The following FRY variants were observed in gnomAD, a reference collection of about 807,000 sequenced individuals.
FRY encodes the protein FRY microtubule binding protein, also known as protein furry homolog.
A neutral mutation model predicts 348.4 loss-of-function variants in FRY; 128 were observed. The observed-to-expected ratio is 0.37, with a 90% CI of 0.32 to 0.43. The LOEUF (loss-of-function observed/expected upper bound fraction) is 0.43. Ranked by LOEUF, FRY falls within the 20% of genes least tolerant of loss-of-function variation. The pLI, the probability that FRY is intolerant of heterozygous loss-of-function variation, is 1.00. For synonymous variants in FRY, 1,370 were observed against 1,374.7 expected (o/e 1.00, Z 0.08); for missense variants, 2,736 against 3,695.2 (o/e 0.74, Z 6.73).
chr13:32,095,579 G>A (rs1293204282), intron 2 of FRY, among the ~76,000 whole-genome samples: 3 of 152,060 alleles, frequency 2.0e-5, no homozygotes, highest in South Asian at 2.1e-4. Flanking sequence ...TCCTGACCTC[G>A]TGATCCACCC....
rs150406070 is a variant in FRY, at chr13:32,197,002, G to T, written c.3746+2705G>T. ...AAGGTTATAAATCAAGGTAAATTGT[G>T]TATTAAGAATATAGGCCATTTCCAA... On this transcript the variant is annotated intron_variant, in intron 29 of 60. Transcript: ENST00000542859. Among the ~76,000 whole-genome samples the T allele has an allele frequency of 2.0e-3, 297 of 152,270 alleles. No homozygotes were observed. The Middle Eastern group carries it at 0.024, about 12-fold the overall frequency.
chr13:32,263,979 C>A (rs902054946), intron 53 of FRY, among the ~76,000 whole-genome samples: 1 of 152,116 alleles, frequency 6.6e-6, no homozygotes, highest in African/African-American at 2.4e-5. Context: ...TGCACTCCAG[C>A]CTGGGCGACA....
intron 1 of FRY, among the ~76,000 whole-genome samples, chr13:32,044,945 G>C (rs1287202448): frequency 2.0e-5 from 3 of 152,110 alleles, no homozygotes; most frequent in Non-Finnish European, 2.9e-5. Flanking sequence ...ATCAATAATT[G>C]CAGTAAAATA....
chr13:32,295,652 G>A lies in FRY; in HGVS notation c.*192G>A. ...ATACTATAAGAACCAAGGTAGCTTA[G>A]AACGTCCTGGACAGACTCCACTCAT... On this transcript the variant is annotated 3_prime_UTR_variant, in exon 61 of 61. Transcript: ENST00000542859. The A allele has an allele frequency of 1.6e-6, 1 of 619,946 alleles. No individual in the cohort carries two copies. 38.4% of individuals were successfully genotyped at this position (619,946 alleles called of 1,614,324 possible).
intron 13 of FRY, among the ~76,000 whole-genome samples, chr13:32,149,235 C>T (rs1880649754): frequency 2.0e-5 from 3 of 148,300 alleles, no homozygotes; most frequent in South Asian, 4.3e-4. Flanking sequence ...ATATATACAC[C>T]CCTGATATAT....
intron 46 of FRY, among the ~76,000 whole-genome samples, chr13:32,240,379 G>A (rs781042033): frequency 1.3e-5 from 2 of 152,186 alleles, no homozygotes; most frequent in East Asian, 3.8e-4. Flanking sequence ...ATTACGCTGG[G>A]TGTTCAAATC....
chr13:32,070,523 G>A lies in FRY; in HGVS notation c.71-8311G>A, dbSNP rs563632616. Among the ~76,000 whole-genome samples, 26 of 150,456 alleles carry A rather than the reference G, an allele frequency of 1.7e-4. No homozygotes were observed. The East Asian group carries it at 2.5e-3, about 15-fold the overall frequency. On this transcript the variant is annotated intron_variant, in intron 1 of 60. Transcript: ENST00000542859. ...CCACATAAATGTCTTCTTTTGAGAC[G>A]TGTCTGTTCATATCCTTTGCCCATT...
chr13:32,161,462 G>A (rs547810308), intron 17 of FRY, among the ~76,000 whole-genome samples: 4 of 152,188 alleles, frequency 2.6e-5, no homozygotes, highest in African/African-American at 7.2e-5. Flanking sequence ...ACGTAAGGTC[G>A]CTAACAACCC....
chr13:32,226,094 G>T, intron 39 of FRY, 120 bp downstream of exon 39: 1 of 795,424 alleles, frequency 1.3e-6, no homozygotes, highest in Non-Finnish European at 2.2e-6. Flanking sequence ...CTTTCCACGT[G>T]GTAAATCAAC....
rs200949639 is a variant in FRY, at chr13:32,101,958, T to C, written c.271-5T>C. 1 of 1,447,562 alleles carries C rather than the reference T, an allele frequency of 6.9e-7. No homozygotes were observed. The highest frequency in any genetic ancestry group is 9.7e-7 in the Non-Finnish European group (1 of 1,028,320). The allele number at this position is 1,447,562 out of a possible 1,614,324, so 89.7% of individuals were successfully genotyped here. ...TATTCTTGCATATATTCTTTTTCTT[T>C]CTAGGAAAAGCCATTGACAAAATCT... On this transcript the variant is annotated splice_region_variant and splice_polypyrimidine_tract_variant and intron_variant, in intron 2 of 60. Transcript: ENST00000542859.
At chr13:32,141,338 C>T (rs1367661339) in intron 11 of FRY, among the ~76,000 whole-genome samples, 1 of 151,988 alleles carries the variant, frequency 6.6e-6, no homozygotes, top group Non-Finnish European at 1.5e-5. Flanking sequence ...ATTCAAGTAT[C>T]AAAAAGAAAT....
intron 26 of FRY, 78 bp from the exon 27 acceptor site, chr13:32,186,182 C>T (rs1399258080): frequency 1.8e-6 from 2 of 1,125,556 alleles, no homozygotes; most frequent in Non-Finnish European, 2.7e-6. Flanking sequence ...TTCCTTTCCT[C>T]AAAATGTAAG....
intron 16 of FRY, among the ~76,000 whole-genome samples, chr13:32,159,424 C>G (rs1343832010): frequency 1.3e-5 from 2 of 152,014 alleles, no homozygotes; most frequent in African/African-American, 2.4e-5. Flanking sequence ...GTTGCTCAGT[C>G]TTTATTCCAT....
intron 57 of FRY, among the ~76,000 whole-genome samples, chr13:32,277,488 T>G (rs928357229): frequency 3.3e-5 from 5 of 152,216 alleles, no homozygotes; most frequent in Admixed American, 2.6e-4. Context: ...AGAGTTGCTA[T>G]TGTTACCCTC....
rs533445667 is a variant in FRY at position 32,274,633 on chromosome 13, G to C, written c.8137-209G>C. On this transcript the variant is annotated intron_variant, in intron 55 of 60. Transcript: ENST00000542859. Reference sequence around the variant, plus strand: ...GCAGGAGAATGGCGTGAACCTGGGAGGGGGAGCTTGCAGTGAGCCGAGATC... The same window carrying C: ...GCAGGAGAATGGCGTGAACCTGGGACGGGGAGCTTGCAGTGAGCCGAGATC... 5.4e-5 allele frequency among the ~76,000 whole-genome samples: 8 copies of C among 147,740 alleles called. No individual in the cohort carries two copies. The East Asian group carries it at 1.2e-3, about 22-fold the overall frequency.
At chr13:32,202,322 C>A (rs756246749) in intron 30 of FRY, 34 bp from the exon 31 acceptor site, 1 of 1,541,392 alleles carries the variant, frequency 6.5e-7, no homozygotes, top group Admixed American at 1.7e-5. Flanking sequence ...TAATGCTTTT[C>A]ATACTACTTT....
chr13:32,274,603 C>T (rs1427040566), intron 55 of FRY, among the ~76,000 whole-genome samples: 1 of 145,766 alleles, frequency 6.9e-6, no homozygotes, highest in Non-Finnish European at 1.5e-5. Flanking sequence ...ACTCGGGAGG[C>T]TGAGGCAGGA....
intron 51 of FRY, chr13:32,258,002 T>C: frequency 3.8e-6 from 6 of 1,578,566 alleles, no homozygotes; most frequent in Non-Finnish European, 4.4e-6. Flanking sequence ...AATTCAAATA[T>C]GCTAGTAGAT....
chr13:32,236,147 A>G lies in FRY; in HGVS notation c.5785A>G (p.Ser1929Gly). 2 of 1,613,542 alleles carry G rather than the reference A, an allele frequency of 1.2e-6. No individual in the cohort carries two copies. The highest frequency in any genetic ancestry group is 3.3e-4 in the Middle Eastern group (2 of 6,060). Reference sequence around the variant, plus strand: ...TAACTTGTCTGACTGCTTGAAGAACAGTGACCTCCTAACTGTATTGTCCCG... The same window carrying G: ...TAACTTGTCTGACTGCTTGAAGAACGGTGACCTCCTAACTGTATTGTCCCG... ...VDNLSDCLKN[S>G]DLLTVLSRSS... Residue 1929 changes from serine to glycine, a missense_variant, in exon 43 of 61, where the codon AGT becomes GGT. By Grantham distance (56) the Ser-to-Gly change is moderately conservative. Transcript: ENST00000542859.
Sources: gnomAD v4.1 joint callset for allele counts (sites outside exome capture counted in the v4.1 genomes callset) on GRCh38, gnomAD v4.1.1 for gene constraint, MANE v1.5 for transcripts, NCBI Gene and HGNC (gene_info 2026-07-23, HGNC 2026-07-21) for gene names.